The following PARD3 variants were observed in gnomAD, a reference collection of about 807,000 sequenced individuals.
The protein encoded by PARD3 is partitioning defective 3 homolog.
A neutral mutation model predicts 155.4 loss-of-function variants in PARD3; 75 were observed. The ratio of observed to expected loss-of-function variants is 0.48; its 90% CI spans 0.40 to 0.58. The LOEUF is 0.58. PARD3 is among the 20% of genes least tolerant of loss of function. The probability of loss-of-function intolerance (pLI) is 0.00; values close to 1 mark genes in which losing one functional copy is unlikely to be tolerated. For synonymous variants in PARD3, 576 were observed against 610.5 expected, an observed-to-expected ratio of 0.94 and a Z score of 0.83; for missense variants, 1,642 against 1,721.7, an observed-to-expected ratio of 0.95 and a Z score of 0.82.
At chr10:34,611,330 TG>T (rs1689605109) in intron 2 of PARD3, among the ~76,000 whole-genome samples, 1 of 152,198 alleles carries the variant, frequency 6.6e-6, no homozygotes, top group Non-Finnish European at 1.5e-5. Flanking sequence ...ACCTTTAGTA[TG>T]ACATTTTAGA....
intron 3 of PARD3, among the ~76,000 whole-genome samples, chr10:34,485,918 GTTTTT>G (rs66906403): frequency 9.4e-5 from 9 of 95,796 alleles, no homozygotes; most frequent in Non-Finnish European, 1.2e-4. Context: ...AACGTTTTGG[GTTTTT>G]TTTTTTTTTT....
At chr10:34,527,434 G>A (rs946535699) in intron 2 of PARD3, among the ~76,000 whole-genome samples, 5 of 152,150 alleles carry the variant, frequency 3.3e-5, no homozygotes, top group Admixed American at 2.0e-4. Flanking sequence ...ACTGAGGGCC[G>A]TTTAACTACT....
In PARD3 at chr10:34,697,187, A is replaced by G. The variant is rs986319516; in HGVS notation, c.121-768T>C. ...AAAATCCTTAAAACTCTGCTTTCAA[A>G]TGATCTGAAGAAGAAACATAGTTGT... On this transcript the variant is annotated intron_variant, in intron 1 of 24. Coordinates refer to ENST00000374788, the MANE Select transcript of PARD3 (RefSeq NM_001184785.2). 5.3e-5 allele frequency among the ~76,000 whole-genome samples: 8 copies of G among 152,300 alleles called. No homozygotes were observed. In the East Asian group the frequency reaches 5.8e-4, roughly 11 times the overall value.
At chr10:34,490,301 G>A (rs1040667192) in intron 3 of PARD3, among the ~76,000 whole-genome samples, 1 of 152,080 alleles carries the variant, frequency 6.6e-6, no homozygotes, top group African/African-American at 2.4e-5. Context: ...GCTAAGACGA[G>A]CAAACAGAAA....
At chr10:34,277,115 G>A (rs868225838) in intron 21 of PARD3, among the ~76,000 whole-genome samples, 1 of 152,242 alleles carries the variant, frequency 6.6e-6, no homozygotes, top group African/African-American at 2.4e-5. Flanking sequence ...ACAACAGTTC[G>A]TGGATCTTTT....
At chr10:34,577,529 C>T (rs2134216561) in intron 2 of PARD3, among the ~76,000 whole-genome samples, 1 of 152,338 alleles carries the variant, frequency 6.6e-6, no homozygotes, top group Admixed American at 6.5e-5. Flanking sequence ...GAAGGCAACA[C>T]AGCATAGCAG....
chr10:34,703,383 C>CA (rs1413157174), intron 1 of PARD3, among the ~76,000 whole-genome samples: 7 of 144,204 alleles, frequency 4.9e-5, no homozygotes, highest in African/African-American at 1.6e-4. Context: ...ACACTCTGTC[C>CA]AAAAAAAACT....
At chr10:34,400,532 C>G (rs550686992) in intron 6 of PARD3, among the ~76,000 whole-genome samples, 1 of 152,116 alleles carries the variant, frequency 6.6e-6, no homozygotes, top group East Asian at 1.9e-4. Context: ...TATTTGGAAA[C>G]AGTACTTCAA....
At chr10:34,351,819 T>C (rs1235989036) in intron 14 of PARD3, among the ~76,000 whole-genome samples, 1 of 152,252 alleles carries the variant, frequency 6.6e-6, no homozygotes, top group African/African-American at 2.4e-5. Flanking sequence ...ACAGACATTT[T>C]GCTTCTAAAT....
intron 2 of PARD3, among the ~76,000 whole-genome samples, chr10:34,677,649 G>A (rs1204954100): frequency 1.3e-5 from 2 of 151,980 alleles, no homozygotes; most frequent in African/African-American, 4.8e-5. Flanking sequence ...TCACACATTT[G>A]AGCTGAATTT....
intron 12 of PARD3, 36 bp from the exon 13 acceptor site, chr10:34,360,295 C>A (rs756389554): frequency 2.1e-6 from 3 of 1,453,992 alleles, no homozygotes; most frequent in Middle Eastern, 1.8e-4. Context: ...ACATTATAGT[C>A]CAATGTTTCT....
chr10:34,598,267 G>A (rs1038419478), intron 2 of PARD3, among the ~76,000 whole-genome samples: 1 of 149,896 alleles, frequency 6.7e-6, no homozygotes, highest in African/African-American at 2.5e-5. Flanking sequence ...AACACCTACT[G>A]AAAGGAAGAA....
intron 2 of PARD3, among the ~76,000 whole-genome samples, chr10:34,557,304 T>C (rs2085082833): frequency 6.6e-6 from 1 of 152,116 alleles, no homozygotes; most frequent in Admixed American, 6.6e-5. Context: ...CAACACATCA[T>C]ACAGAATATG....
chr10:34,508,385 C>T (rs1176497685), intron 3 of PARD3, among the ~76,000 whole-genome samples: 1 of 152,156 alleles, frequency 6.6e-6, no homozygotes, highest in Non-Finnish European at 1.5e-5. Context: ...ATTCCTCGGG[C>T]TTACATCATT....
At chr10:34,460,259 G>C (rs1471086224) in intron 4 of PARD3, among the ~76,000 whole-genome samples, 1 of 152,084 alleles carries the variant, frequency 6.6e-6, no homozygotes. Context: ...TAGAAAATGT[G>C]ATTCAGGGAA....
intron 2 of PARD3, among the ~76,000 whole-genome samples, chr10:34,673,923 T>G (rs2093651938): frequency 1.3e-5 from 2 of 148,166 alleles, no homozygotes; most frequent in South Asian, 4.2e-4. Flanking sequence ...AGGGAGAGGC[T>G]GCAGTGAGCC....
rs1030555986 is a variant in PARD3 at position 34,344,802 on chromosome 10, C to T, written c.2219-2986G>A. ...CAATCCTGTCTGACCCCAACAAAAG[C>T]TAAGGAAATCCTAATCAGGTGTGAC... On this transcript the variant is annotated intron_variant, in intron 15 of 24. Coordinates refer to ENST00000374788, the MANE Select transcript of PARD3 (RefSeq NM_001184785.2). The T allele has an allele frequency of 1.7e-5, 17 of 985,244 alleles. No homozygotes were observed. In the African/African-American group the frequency reaches 2.4e-4, roughly 14 times the overall value. 61.0% of individuals were successfully genotyped at this position (985,244 alleles called of 1,614,324 possible). A position where few individuals can be genotyped will look rare whatever the true frequency, so the allele number is the denominator to read the frequency against.
chr10:34,790,176 A>T (rs557122732), intron 1 of PARD3, among the ~76,000 whole-genome samples: 1 of 152,320 alleles, frequency 6.6e-6, no homozygotes, highest in South Asian at 2.1e-4. Context: ...CTAGACTGTA[A>T]TGGGATTACT....
intron 20 of PARD3, among the ~76,000 whole-genome samples, chr10:34,286,877 T>C (rs867194767): frequency 2.0e-5 from 3 of 152,134 alleles, no homozygotes; most frequent in Middle Eastern, 3.4e-3. Flanking sequence ...GTGAGAGAAG[T>C]GCTTAGTTTC....
Sources: gnomAD v4.1 joint callset for allele counts (sites outside exome capture counted in the v4.1 genomes callset) on GRCh38, gnomAD v4.1.1 for gene constraint, MANE v1.5 for transcripts, NCBI Gene and HGNC (gene_info 2026-07-23, HGNC 2026-07-21) for gene names.